COL20A1: variants seen among roughly 807,000 people sequenced by gnomAD.
The protein encoded by COL20A1 is collagen alpha-1(XX) chain.
COL20A1 carries 164 observed loss-of-function variants against 152.9 expected under a neutral mutation model. That is an observed-to-expected ratio of 1.07 (90% CI 0.94 to 1.22). The LOEUF is 1.22. Among genes scored for constraint, COL20A1 ranks in the 50% most tolerant of loss-of-function variants. The pLI is 0.00. For synonymous variants in COL20A1, 864 were observed against 756.0 expected (o/e 1.14, Z -2.34); for missense variants, 1,873 against 1,744.8 (o/e 1.07, Z -1.31).
At chr20:63,316,427 G>A (rs938814431) in intron 20 of COL20A1, 126 bp from the exon 21 acceptor site, 8 of 157,016 alleles carry the variant, frequency 5.1e-5, no homozygotes, top group Middle Eastern at 1.4e-3. Flanking sequence ...ACGCCGCTCC[G>A]TCACCCCTCC....
intron 2 of COL20A1, among the ~76,000 whole-genome samples, chr20:63,297,628 G>A (rs1156241194): frequency 6.6e-6 from 1 of 152,206 alleles, no homozygotes; most frequent in Non-Finnish European, 1.5e-5. Context: ...GGGCCTCCCT[G>A]GGTGGGACTG....
rs755375952 is a variant in COL20A1, at chr20:63,310,476, G to A, written c.1359G>A (p.Gly453=). The A allele has an allele frequency of 3.7e-6, 6 of 1,606,406 alleles. No individual in the cohort carries two copies. Among genetic ancestry groups the A allele is most frequent in the Non-Finnish European group, 4.2e-6 (5 of 1,177,212 alleles). The change falls in exon 11 of 36, where the codon GGG becomes GGA. Residue 453 remains glycine, a synonymous_variant. Transcript: ENST00000358894. Reference sequence around the variant, plus strand: ...CCGTGTTCCCCATCTATGAGGGCGGGGTTGGCGAAGGCCTGCGGGGCCTGG... The same window carrying A: ...CCGTGTTCCCCATCTATGAGGGCGGAGTTGGCGAAGGCCTGCGGGGCCTGG... ...LVSVFPIYEG[G]VGEGLRGLVT...
At position 63,319,372 on chromosome 20, in the gene COL20A1, C is replaced by T; in HGVS notation, c.2807-115C>T. ...GGCTGTGGGCCACATTGAGGGTCAC[C>T]TCCAGCTTGGCACCCTCAGGGCTGC... On this transcript the variant is annotated intron_variant, in intron 22 of 35. Transcript: ENST00000358894. The surrounding 1 kb of genome is among the most constrained non-coding windows in gnomAD (Gnocchi z 4.4). The T allele has an allele frequency of 9.3e-7, 1 of 1,078,168 alleles. No individual in the cohort carries two copies. The highest frequency in any genetic ancestry group is 1.3e-6 in the Non-Finnish European group (1 of 749,332). The allele number at this position is 1,078,168 out of a possible 1,614,324, so 66.8% of individuals were successfully genotyped here. A position where few individuals can be genotyped will look rare whatever the true frequency, so the allele number is the denominator to read the frequency against.
intron 33 of COL20A1, 95 bp downstream of exon 33, chr20:63,328,222 G>C: frequency 6.4e-7 from 1 of 1,558,116 alleles, no homozygotes; most frequent in Non-Finnish European, 8.8e-7. Flanking sequence ...GAGGGAGGCC[G>C]CCTTCACCCA....
intron 3 of COL20A1, among the ~76,000 whole-genome samples, chr20:63,298,568 G>T (rs558217990): frequency 4.4e-4 from 67 of 151,746 alleles, no homozygotes; most frequent in Non-Finnish European, 8.2e-4. Context: ...GATTACAGGC[G>T]TGAACCACCA....
intron 2 of COL20A1, among the ~76,000 whole-genome samples, chr20:63,297,386 C>G (rs2067810155): frequency 6.6e-6 from 1 of 151,106 alleles, no homozygotes; most frequent in African/African-American, 2.4e-5. Flanking sequence ...TCAGGGGACC[C>G]AGCCCAGGGG....
intron 20 of COL20A1, 101 bp downstream of exon 20, chr20:63,315,540 T>C (rs1448034911): frequency 1.5e-5 from 17 of 1,105,118 alleles, no homozygotes; most frequent in Non-Finnish European, 2.2e-5. Flanking sequence ...CCAGTGGTGG[T>C]GCAGTTGGAG....
At chr20:63,328,192 G>C in intron 33 of COL20A1, 65 bp downstream of exon 33, 1 of 1,595,290 alleles carries the variant, frequency 6.3e-7, no homozygotes, top group Non-Finnish European at 8.6e-7. Flanking sequence ...ACACCTGTCT[G>C]TCCTCACACT....
At chr20:63,312,272 C>G (rs1479171454) in intron 14 of COL20A1, 148 bp from the exon 15 acceptor site, 5 of 1,119,892 alleles carry the variant, frequency 4.5e-6, no homozygotes, top group Non-Finnish European at 6.1e-6. Flanking sequence ...GTTCTGTTGC[C>G]CTCCCATCCC....
chr20:63,311,488 C>T lies in COL20A1; in HGVS notation c.1488C>T (p.Tyr496=). Residue 496 remains tyrosine, a synonymous_variant, in exon 12 of 36, where the codon TAC becomes TAT. Coordinates refer to ENST00000358894, the MANE Select transcript of COL20A1 (RefSeq NM_020882.4). This position sits in a 1 kb window ranked among gnomAD's most constrained non-coding sequence, Gnocchi z 4.4. ...TWQPSAGATH[Y]LVRCSPASPK... ...AGCCCTCGGCCGGGGCCACCCACTA[C>T]CTGGTGCGATGTTCTCCTGCTTCCC... 1 of 1,580,274 alleles carries T rather than the reference C, an allele frequency of 6.3e-7. No homozygotes were observed. Among genetic ancestry groups the T allele is most frequent in the Non-Finnish European group, 8.6e-7 (1 of 1,163,636 alleles).
In COL20A1 at chr20:63,334,562, C is replaced by T. The variant is rs75564844; in HGVS notation, c.*3846C>T. On this transcript the variant is annotated 3_prime_UTR_variant, in exon 36 of 36. Transcript: ENST00000358894. ...TCTTCTGAGTAGCAGGAACCACAGG[C>T]GTGCGCCACCACGCTTGGCTAATGT... 4 of 152,190 alleles carry T rather than the reference C, an allele frequency of 2.6e-5. No individual in the cohort carries two copies. Among genetic ancestry groups the T allele is most frequent in the Admixed American group, 1.3e-4 (2 of 15,270 alleles). 9.4% of individuals were successfully genotyped at this position (152,190 alleles called of 1,614,324 possible).
chr20:63,319,684 C>T lies in COL20A1; in HGVS notation c.2916+88C>T, dbSNP rs1400374179. 1.1e-6 allele frequency: 1 copy of T among 870,552 alleles called. No individual in the cohort carries two copies. Among genetic ancestry groups the T allele is most frequent in the Non-Finnish European group, 1.8e-6 (1 of 546,798 alleles). 53.9% of individuals were successfully genotyped at this position (870,552 alleles called of 1,614,324 possible). A position where few individuals can be genotyped will look rare whatever the true frequency, so the allele number is the denominator to read the frequency against. The stretch of plus-strand genomic sequence containing the variant: ...AGGGACCTGCCGGATGCCAACTCCT[C>T]TCCCTAGGAGAGCAGGACCTTCCTT... On this transcript the variant is annotated intron_variant, in intron 23 of 35. Coordinates refer to ENST00000358894, the MANE Select transcript of COL20A1 (RefSeq NM_020882.4). This position sits in a 1 kb window ranked among gnomAD's most constrained non-coding sequence, Gnocchi z 4.4.
chr20:63,313,230 G>A lies in COL20A1; in HGVS notation c.2190G>A (p.Val730=). Residue 730 remains valine (V), a synonymous_variant, in exon 17 of 36, where the codon GTG becomes GTA. Transcript: ENST00000358894. This position sits in a 1 kb window ranked among gnomAD's most constrained non-coding sequence, Gnocchi z 5.9. ...YYRDGARSDP[V]SLRYTPSTVS... ...GGGACGGGGCCCGCAGTGACCCTGT[G>A]TCCCTCCGCTATACCCCCTGTAGGT... The A allele has an allele frequency of 1.2e-6, 2 of 1,611,656 alleles. No individual in the cohort carries two copies. Among genetic ancestry groups the A allele is most frequent in the African/African-American group, 1.3e-5 (1 of 75,012 alleles).
chr20:63,294,707 C>T (rs1265124142), intron 1 of COL20A1, among the ~76,000 whole-genome samples: 2 of 152,214 alleles, frequency 1.3e-5, no homozygotes, highest in African/African-American at 2.4e-5. Flanking sequence ...GGAGAGCTCG[C>T]CCCTTGCCTC....
intron 3 of COL20A1, among the ~76,000 whole-genome samples, chr20:63,302,468 G>C (rs1236956799): frequency 6.6e-6 from 1 of 152,116 alleles, no homozygotes; most frequent in Non-Finnish European, 1.5e-5. Context: ...TTACAGGCAC[G>C]TGCCACCACG....
rs969213913 is a variant in COL20A1 at position 63,332,444 on chromosome 20, C to G, written c.*1728C>G. 6.6e-6 allele frequency: 1 copy of G among 152,290 alleles called. No individual in the cohort carries two copies. Among genetic ancestry groups the G allele is most frequent in the Non-Finnish European group, 1.5e-5 (1 of 68,088 alleles). The allele number at this position is 152,290 out of a possible 1,614,324, so 9.4% of individuals were successfully genotyped here. A position where few individuals can be genotyped will look rare whatever the true frequency, so the allele number is the denominator to read the frequency against. On this transcript the variant is annotated 3_prime_UTR_variant, in exon 36 of 36. Transcript: ENST00000358894. Reference sequence around the variant, plus strand: ...TGTCCCCAGCTGAACTGAGAAGGCTCTTTGAGCAGTGGAGTGAGCAGGCTT... The same window carrying G: ...TGTCCCCAGCTGAACTGAGAAGGCTGTTTGAGCAGTGGAGTGAGCAGGCTT...
At chr20:63,308,742 C>G in intron 8 of COL20A1, 36 bp downstream of exon 8, 1 of 1,533,716 alleles carries the variant, frequency 6.5e-7, no homozygotes. Context: ...CCTGGAGTCT[C>G]ACCGCCGGGT....
At chr20:63,318,163 G>A (rs1160360311) in intron 21 of COL20A1, among the ~76,000 whole-genome samples, 2 of 152,174 alleles carry the variant, frequency 1.3e-5, no homozygotes, top group Non-Finnish European at 2.9e-5. Flanking sequence ...TGAGAAGTGG[G>A]GGCAGATGGT....
Position 63,308,022 on chromosome 20 carries a change from T to G in COL20A1, c.707T>G (p.Leu236Arg). 6.2e-7 allele frequency: 1 copy of G among 1,612,392 alleles called. No homozygotes were observed. The highest frequency in any genetic ancestry group is 2.2e-5 in the East Asian group (1 of 44,862). ...DAQTEWDLNS[L>R]STKEQVLAAV... ...CAGACTGAGTGGGACCTGAACTCCC[T>G]CAGCACCAAGGAACAGGTGCTGGCA... Residue 236 changes from leucine (L) to arginine (R), a missense_variant, in exon 7 of 36, where the codon CTC becomes CGC. Leu to Arg is a moderately radical substitution (Grantham distance 102). Coordinates refer to ENST00000358894, the MANE Select transcript of COL20A1 (RefSeq NM_020882.4).
Sources: gnomAD v4.1 joint callset for allele counts (sites outside exome capture counted in the v4.1 genomes callset) on GRCh38, gnomAD v4.1.1 for gene constraint, Gnocchi (gnomAD v3.1) non-coding constraint, MANE v1.5 for transcripts, NCBI Gene and HGNC (gene_info 2026-07-23, HGNC 2026-07-21) for gene names.